Variants in KCNMB2 observed in about 807,000 individuals in gnomAD.
The protein encoded by KCNMB2 is calcium-activated potassium channel subunit beta-2.
Under a neutral mutation model 24.5 loss-of-function variants are expected in KCNMB2, and 9 were observed. The observed-to-expected ratio is 0.37, with a 90% CI of 0.22 to 0.64. KCNMB2 has a LOEUF of 0.64. Among genes scored for constraint, KCNMB2 ranks in the 30% least tolerant of loss-of-function variants. The pLI, the probability that KCNMB2 is intolerant of heterozygous loss-of-function variation, is 0.63. For missense variants in KCNMB2, 226 were observed against 284.3 expected, an observed-to-expected ratio of 0.79 and a Z score of 1.47; for synonymous variants, 109 against 104.4, an observed-to-expected ratio of 1.04 and a Z score of -0.27.
chr3:178,770,385 T>C (rs1390675913), intron 1 of KCNMB2, among the ~76,000 whole-genome samples: 1 of 152,260 alleles, frequency 6.6e-6, no homozygotes, highest in Non-Finnish European at 1.5e-5. Context: ...AGCTTCAGGT[T>C]ACCCTGATGT....
chr3:178,662,743 C>G (rs1720579542), intron 1 of KCNMB2, among the ~76,000 whole-genome samples: 1 of 151,868 alleles, frequency 6.6e-6, no homozygotes, highest in African/African-American at 2.4e-5. Flanking sequence ...TATAATAATT[C>G]CTGATATAAA....
intron 4 of KCNMB2, among the ~76,000 whole-genome samples, chr3:178,833,311 T>C (rs1715110547): frequency 6.6e-6 from 1 of 152,124 alleles, no homozygotes; most frequent in South Asian, 2.1e-4. Flanking sequence ...CCAGTTAGCC[T>C]CCTGGGCTCT....
intron 1 of KCNMB2, among the ~76,000 whole-genome samples, chr3:178,720,122 C>A (rs980930028): frequency 6.6e-6 from 1 of 151,984 alleles, no homozygotes; most frequent in Non-Finnish European, 1.5e-5. Context: ...CAATGCTATC[C>A]CTCCCCACTC....
rs531209023 is a variant in KCNMB2 at position 178,649,708 on chromosome 3, T to C, written c.-68+112997T>C. Among the ~76,000 whole-genome samples, 3 of 152,264 alleles carry C rather than the reference T, an allele frequency of 2.0e-5. No homozygotes were observed. The East Asian group carries it at 5.8e-4, about 29-fold the overall frequency. On this transcript the variant is annotated intron_variant, in intron 1 of 4. Coordinates refer to ENST00000452583, the MANE Select transcript of KCNMB2 (RefSeq NM_181361.3). ...GTAGTTTGTATTTCTGTGGGATCAG[T>C]GATGATATCCCCTTTATCATTTTTT...
intron 1 of KCNMB2, among the ~76,000 whole-genome samples, chr3:178,766,114 C>T (rs1435497751): frequency 6.6e-6 from 1 of 152,112 alleles, no homozygotes; most frequent in Non-Finnish European, 1.5e-5. Flanking sequence ...CCTCAAATCC[C>T]ACCTCCTATA....
intron 4 of KCNMB2, among the ~76,000 whole-genome samples, chr3:178,840,313 T>G (rs1715380868): frequency 6.6e-6 from 1 of 152,188 alleles, no homozygotes; most frequent in Non-Finnish European, 1.5e-5. Flanking sequence ...TGCAGTTGCT[T>G]TCCCGGGCTG....
chr3:178,658,635 G>A (rs1233527863), intron 1 of KCNMB2, among the ~76,000 whole-genome samples: 2 of 152,094 alleles, frequency 1.3e-5, no homozygotes, highest in Admixed American at 6.5e-5. Flanking sequence ...ATTAATGTGG[G>A]GATGGTTGCC....
intron 1 of KCNMB2, among the ~76,000 whole-genome samples, chr3:178,548,914 C>T (rs912788767): frequency 6.6e-6 from 1 of 152,150 alleles, no homozygotes; most frequent in Non-Finnish European, 1.5e-5. Flanking sequence ...CCATCTAGTG[C>T]ATGTCCTTGG....
intron 1 of KCNMB2, among the ~76,000 whole-genome samples, chr3:178,701,995 C>T (rs571156225): frequency 3.4e-4 from 52 of 152,056 alleles, no homozygotes; most frequent in African/African-American, 4.6e-4. Context: ...ACATTTATTG[C>T]GGCACTACTC....
At chr3:178,751,535 T>C (rs907888160) in intron 1 of KCNMB2, among the ~76,000 whole-genome samples, 5 of 121,994 alleles carry the variant, frequency 4.1e-5, no homozygotes, top group Non-Finnish European at 4.7e-5. Flanking sequence ...GATCATGCCA[T>C]TGCACTCCAG....
At position 178,843,173 on chromosome 3, in the gene KCNMB2, T is replaced by C. The variant is rs1560043837; in HGVS notation, c.*236T>C. 1 of 598,426 alleles carries C rather than the reference T, an allele frequency of 1.7e-6. No individual in the cohort carries two copies. 37.1% of individuals were successfully genotyped at this position (598,426 alleles called of 1,614,324 possible). The stretch of plus-strand genomic sequence containing the variant: ...GGTTTTCATAATCTTATTTCTGTAC[T>C]GGAACTAGTACTTTCTTCTCTCATT... On this transcript the variant is annotated 3_prime_UTR_variant, in exon 5 of 5. Transcript: ENST00000452583.
intron 1 of KCNMB2, among the ~76,000 whole-genome samples, chr3:178,701,126 T>C (rs902348700): frequency 6.6e-6 from 1 of 152,230 alleles, no homozygotes; most frequent in African/African-American, 2.4e-5. Context: ...CTTGAATTAA[T>C]TGTTGTATAA....
intron 1 of KCNMB2, among the ~76,000 whole-genome samples, chr3:178,676,141 A>G (rs1345799056): frequency 1.3e-5 from 2 of 152,110 alleles, no homozygotes; most frequent in African/African-American, 4.8e-5. Context: ...TAGAGAAAGC[A>G]CCCAGGCCTG....
intron 1 of KCNMB2, among the ~76,000 whole-genome samples, chr3:178,548,145 A>T (rs1431188796): frequency 6.6e-6 from 1 of 152,176 alleles, no homozygotes; most frequent in African/African-American, 2.4e-5. Context: ...ATATTTTTCA[A>T]AGTGGTAGTT....
At chr3:178,750,609 C>T (rs1723812186) in intron 1 of KCNMB2, among the ~76,000 whole-genome samples, 1 of 152,124 alleles carries the variant, frequency 6.6e-6, no homozygotes, top group Non-Finnish European at 1.5e-5. Flanking sequence ...ACTTTGTCTC[C>T]TTTAGACTCA....
chr3:178,604,708 A>G (rs759114410), intron 1 of KCNMB2, among the ~76,000 whole-genome samples: 2 of 152,350 alleles, frequency 1.3e-5, no homozygotes, highest in Admixed American at 6.5e-5. Flanking sequence ...CAAATCATTC[A>G]TCTGATTTAT....
chr3:178,759,552 GATAT>G (rs1184425402), intron 1 of KCNMB2, among the ~76,000 whole-genome samples: 6 of 103,286 alleles, frequency 5.8e-5, no homozygotes, highest in African/African-American at 1.8e-4. Flanking sequence ...TCTCCAAGAG[GATAT>G]ATATATCTCT....
chr3:178,759,696 A>AT (rs1711639357), intron 1 of KCNMB2, among the ~76,000 whole-genome samples: 7 of 107,522 alleles, frequency 6.5e-5, no homozygotes, highest in South Asian at 2.9e-4. Context: ...GGATATATAT[A>AT]CACATATATA....
chr3:178,600,406 A>G (rs1400210882), intron 1 of KCNMB2, among the ~76,000 whole-genome samples: 1 of 152,164 alleles, frequency 6.6e-6, no homozygotes, highest in East Asian at 1.9e-4. Flanking sequence ...AAGACCCTTC[A>G]ATTACCTTGA....
Sources: allele counts gnomAD v4.1 joint callset (sites outside exome capture counted in the v4.1 genomes callset), GRCh38; gene constraint gnomAD v4.1.1; transcripts MANE v1.5; gene names NCBI Gene and HGNC (gene_info 2026-07-23, HGNC 2026-07-21).